The following RFX3 variants were observed in gnomAD, a reference collection of about 807,000 sequenced individuals.
The protein encoded by RFX3 is transcription factor RFX3.
In RFX3, 14 loss-of-function variants were observed where a neutral mutation model predicts 98.6. That is an observed-to-expected ratio of 0.14 (90% CI 0.09 to 0.22). The LOEUF (loss-of-function observed/expected upper bound fraction) is 0.22. RFX3 is among the 10% of genes least tolerant of loss of function. RFX3 has a pLI of 1.00. For synonymous variants in RFX3, 383 were observed against 328.4 expected (o/e 1.17, Z -1.80); for missense variants, 639 against 926.9 (o/e 0.69, Z 4.03).
rs183528084 is a variant in RFX3, at chr9:3,274,306, G to A, written c.1086+1194C>T. ...CCTCTTACTGCATACTGCATTGTCA[G>A]CAGTCAGGAGGACTGCCCAGGAAAT... On this transcript the variant is annotated intron_variant, in intron 9 of 16. Coordinates refer to ENST00000617270, the MANE Select transcript of RFX3 (RefSeq NM_001282116.2). Among the ~76,000 whole-genome samples, 211 of 152,304 alleles carry A rather than the reference G, an allele frequency of 1.4e-3. 1 individual carries two copies. The highest frequency in any genetic ancestry group is 4.8e-3 in the African/African-American group (198 of 41,562).
At chr9:3,369,974 G>C (rs527646288) in intron 2 of RFX3, among the ~76,000 whole-genome samples, 1 of 147,998 alleles carries the variant, frequency 6.8e-6, no homozygotes, top group Non-Finnish European at 1.5e-5. Flanking sequence ...GACTACAGGC[G>C]CCCGCCACTA....
At chr9:3,399,280 A>G (rs1326853140) in intron 1 of RFX3, among the ~76,000 whole-genome samples, 4 of 151,210 alleles carry the variant, frequency 2.6e-5, no homozygotes, top group Admixed American at 6.6e-5. Flanking sequence ...GCTTAAAAAA[A>G]AAAAAAAAAA....
At chr9:3,368,235 T>C (rs972449349) in intron 2 of RFX3, among the ~76,000 whole-genome samples, 1 of 152,006 alleles carries the variant, frequency 6.6e-6, no homozygotes. Flanking sequence ...CTGATTTATA[T>C]AATTTAAAAA....
At chr9:3,462,134 A>C (rs1847752246) in intron 1 of RFX3, among the ~76,000 whole-genome samples, 1 of 152,054 alleles carries the variant, frequency 6.6e-6, no homozygotes, top group African/African-American at 2.4e-5. Flanking sequence ...TACTACAAGA[A>C]AATTTAACTA....
chr9:3,297,671 AAAGTC>A (rs1385518770), intron 5 of RFX3, among the ~76,000 whole-genome samples: 1 of 152,004 alleles, frequency 6.6e-6, no homozygotes, highest in African/African-American at 2.4e-5. Flanking sequence ...ACAATACAGC[AAAGTC>A]AAGGAAAAGT....
intron 2 of RFX3, among the ~76,000 whole-genome samples, chr9:3,353,233 A>T (rs1835369479): frequency 1.3e-5 from 2 of 151,184 alleles, no homozygotes; most frequent in Admixed American, 1.3e-4. Flanking sequence ...GCATTAGGAG[A>T]TATACCTAAT....
At chr9:3,380,640 T>A (rs951717959) in intron 2 of RFX3, among the ~76,000 whole-genome samples, 3 of 152,202 alleles carry the variant, frequency 2.0e-5, no homozygotes, top group African/African-American at 7.2e-5. Context: ...ATCTCTAATA[T>A]TTTACAGCAA....
chr9:3,489,039 A>G (rs1027144869), intron 1 of RFX3: 2 of 296,650 alleles, frequency 6.7e-6, no homozygotes, highest in Admixed American at 6.5e-5. Context: ...TGTAGTATTT[A>G]AAGATAAATT....
chr9:3,394,624 A>G (rs1840668321), intron 2 of RFX3, among the ~76,000 whole-genome samples: 2 of 152,226 alleles, frequency 1.3e-5, no homozygotes, highest in Admixed American at 1.3e-4. Context: ...AATGTCCTTC[A>G]TCATCTATAA....
rs377062522 is a variant in RFX3 at position 3,257,216 on chromosome 9, GAAAGA to G, written c.1606-22_1606-18del. 1.0e-3 allele frequency: 1,625 copies of G among 1,611,116 alleles called. 15 individuals are homozygous for G. In the African/African-American group the frequency reaches 0.016, roughly 16 times the overall value. On this transcript the variant is annotated intron_variant, in intron 13 of 16. Transcript: ENST00000617270. ...AGCCTGCTCCTGAGACAGTAACACAGAAAGAAAAGGAAAAGTTCAATTCAGCATCC... is the reference window on the plus strand; with the variant it reads ...AGCCTGCTCCTGAGACAGTAACACAGAAAGGAAAAGTTCAATTCAGCATCC...
At chr9:3,299,906 T>A (rs1163895151) in intron 5 of RFX3, among the ~76,000 whole-genome samples, 1 of 151,672 alleles carries the variant, frequency 6.6e-6, no homozygotes, top group Non-Finnish European at 1.5e-5. Flanking sequence ...ATATAACATA[T>A]TTTACTAAGT....
chr9:3,437,999 A>G (rs549267994), intron 1 of RFX3, among the ~76,000 whole-genome samples: 1 of 152,080 alleles, frequency 6.6e-6, no homozygotes, highest in Non-Finnish European at 1.5e-5. Flanking sequence ...ATAAAATGGA[A>G]AAAAAGAAGA....
intron 1 of RFX3, among the ~76,000 whole-genome samples, chr9:3,486,594 G>A (rs1214746432): frequency 6.6e-6 from 1 of 152,104 alleles, no homozygotes; most frequent in East Asian, 1.9e-4. Flanking sequence ...TTAGTTCAGA[G>A]TGTTTAGTTT....
Position 3,330,486 on chromosome 9 carries a change from G to C in RFX3, c.247C>G (p.Gln83Glu). ...CCTCCAGTATTTTGGCTGTACATCT[G>C]TGTCTCTGTGTAAGGATACGTTGTT... ...RTTTYPYTET[Q>E]MYSQNTGGNY... The change falls in exon 4 of 17, where the codon CAG (glutamine) becomes GAG (glutamate). Residue 83 changes from glutamine (Q) to glutamate (E), a missense_variant. Physicochemically the swap from Gln to Glu is conservative, Grantham distance 29. This residue lies in a region of RFX3 where 210 missense variants were observed against 197.7 expected (regional missense o/e 1.06). Coordinates refer to ENST00000617270, the MANE Select transcript of RFX3 (RefSeq NM_001282116.2). The C allele has an allele frequency of 6.2e-7, 1 of 1,613,832 alleles. No homozygotes were observed. The highest frequency in any genetic ancestry group is 8.5e-7 in the Non-Finnish European group (1 of 1,179,838).
Position 3,277,195 on chromosome 9 carries a change from A to T in RFX3, c.973+145T>A, listed in dbSNP as rs1020618262. On this transcript the variant is annotated intron_variant, in intron 8 of 16. Transcript: ENST00000617270. ...ACACGAAAGGCAGACATGAACTAGG[A>T]CTGTTATACATATGATGTGCATAAT... is the stretch of plus-strand genomic sequence containing the variant. 4.5e-6 allele frequency: 3 copies of T among 659,490 alleles called. No homozygotes were observed. In the African/African-American group the frequency reaches 5.5e-5, roughly 12 times the overall value. 40.9% of individuals were successfully genotyped at this position (659,490 alleles called of 1,614,324 possible).
intron 11 of RFX3, among the ~76,000 whole-genome samples, chr9:3,269,419 T>C (rs1390140861): frequency 6.6e-6 from 1 of 152,106 alleles, no homozygotes; most frequent in African/African-American, 2.4e-5. Flanking sequence ...GTGAATAGTA[T>C]ACTTGAAGTA....
intron 2 of RFX3, among the ~76,000 whole-genome samples, chr9:3,348,148 G>T (rs1342979045): frequency 6.6e-6 from 1 of 152,092 alleles, no homozygotes; most frequent in African/African-American, 2.4e-5. Context: ...AAGAAACTGG[G>T]TCATTTATCT....
intron 1 of RFX3, among the ~76,000 whole-genome samples, chr9:3,427,298 A>G (rs958284204): frequency 1.4e-5 from 2 of 143,236 alleles, no homozygotes; most frequent in Non-Finnish European, 3.0e-5. Context: ...ATATATAAAT[A>G]TATATTGTAT....
At chr9:3,270,666 A>T (rs935635641) in intron 10 of RFX3, 141 bp from the exon 11 acceptor site, 54 of 811,930 alleles carry the variant, frequency 6.7e-5, no homozygotes, top group Middle Eastern at 6.8e-4. Flanking sequence ...ACAGCTGGCT[A>T]TATATACCGA....
Sources: gnomAD v4.1 joint callset for allele counts (sites outside exome capture counted in the v4.1 genomes callset) on GRCh38, gnomAD v4.1.1 for gene constraint, gnomAD v4.1.1 regional missense constraint, MANE v1.5 for transcripts, NCBI Gene and HGNC (gene_info 2026-07-23, HGNC 2026-07-21) for gene names.